Variants in KDM2A observed in about 807,000 individuals in gnomAD.
KDM2A encodes the protein lysine-specific demethylase 2A.
KDM2A carries 3 observed loss-of-function variants against 137.3 expected under a neutral mutation model. The observed-to-expected ratio is 0.02, with a 90% CI of 0.01 to 0.06. The LOEUF is 0.06. Among genes scored for constraint, KDM2A ranks in the 10% least tolerant of loss-of-function variants. KDM2A has a pLI of 1.00. For missense variants in KDM2A, 738 were observed against 1,510.6 expected (o/e 0.49, Z 8.48); for synonymous variants, 512 against 541.5 (o/e 0.95, Z 0.76).
chr11:67,182,686 C>A (rs776423151), intron 5 of KDM2A, among the ~76,000 whole-genome samples: 25 of 152,146 alleles, frequency 1.6e-4, no homozygotes, highest in Non-Finnish European at 3.2e-4. Flanking sequence ...GCATGTGCCA[C>A]CAGGCCCGGC....
chr11:67,205,469 T>C (rs1206433324), intron 5 of KDM2A, among the ~76,000 whole-genome samples: 3 of 152,074 alleles, frequency 2.0e-5, no homozygotes, highest in African/African-American at 7.2e-5. Flanking sequence ...TTGTTCGTCT[T>C]ACAAGGAAGA....
rs372178788 is a variant in KDM2A, at chr11:67,223,547, C to T, written c.957+4144C>T. On this transcript the variant is annotated intron_variant, in intron 10 of 20. Coordinates refer to ENST00000529006, the MANE Select transcript of KDM2A (RefSeq NM_012308.3). ...CCTCCTGAGTAGCTGGGACCACAGA[C>T]GCACACCACCACACCTGGCTAGTTT... 3.6e-3 allele frequency among the ~76,000 whole-genome samples: 548 copies of T among 152,118 alleles called. 5 individuals are homozygous for T. The highest frequency in any genetic ancestry group is 0.012 in the African/African-American group (488 of 41,494).
At chr11:67,190,757 T>TA (rs955234812) in intron 5 of KDM2A, among the ~76,000 whole-genome samples, 40 of 147,466 alleles carry the variant, frequency 2.7e-4, no homozygotes, top group African/African-American at 5.4e-4. Context: ...CGAGACTCTT[T>TA]AAAAAAAAAA....
In KDM2A at chr11:67,207,833, G is replaced by A. The variant is rs190086954; in HGVS notation, c.486+145G>A. 507 of 550,734 alleles carry A rather than the reference G, an allele frequency of 9.2e-4. 1 individual carries two copies. Among genetic ancestry groups the A allele is most frequent in the African/African-American group, 8.5e-3 (445 of 52,346 alleles). 34.1% of individuals were successfully genotyped at this position (550,734 alleles called of 1,614,324 possible). A position where few individuals can be genotyped will look rare whatever the true frequency, so the allele number is the denominator to read the frequency against. On this transcript the variant is annotated intron_variant, in intron 6 of 20. Transcript: ENST00000529006. Reference sequence around the variant, plus strand: ...TGAGCTGAGGAGTTTGAGAGCAGCCGGGGCAACATGGTGAAACCACATCTC... The same window carrying A: ...TGAGCTGAGGAGTTTGAGAGCAGCCAGGGCAACATGGTGAAACCACATCTC...
At chr11:67,154,228 G>A (rs1267477430) in intron 2 of KDM2A, among the ~76,000 whole-genome samples, 5 of 152,116 alleles carry the variant, frequency 3.3e-5, no homozygotes, top group Admixed American at 1.3e-4. Flanking sequence ...ATTTGATTTT[G>A]TACAGCCCAT....
At chr11:67,137,650 AG>A (rs1204378059) in intron 2 of KDM2A, among the ~76,000 whole-genome samples, 1 of 152,202 alleles carries the variant, frequency 6.6e-6, no homozygotes, top group Non-Finnish European at 1.5e-5. Flanking sequence ...AAGGAAGAGC[AG>A]GTTTGGGGAC....
intron 8 of KDM2A, 45 bp downstream of exon 8, chr11:67,215,994 T>A: frequency 6.8e-7 from 1 of 1,476,240 alleles, no homozygotes. Flanking sequence ...AAGTTGGTTG[T>A]ATGACTTTGC....
intron 5 of KDM2A, among the ~76,000 whole-genome samples, chr11:67,187,075 A>G (rs59551907): frequency 0.075 from 11,386 of 152,262 alleles, 586 homozygotes; most frequent in African/African-American, 0.14. Context: ...TCAAACTGGT[A>G]TTAATTAAAA....
At chr11:67,188,029 TA>T (rs1005408846) in intron 5 of KDM2A, among the ~76,000 whole-genome samples, 2 of 151,700 alleles carry the variant, frequency 1.3e-5, no homozygotes, top group African/African-American at 4.8e-5. Flanking sequence ...CTCATGTCTA[TA>T]AAAAAAATAA....
At chr11:67,227,048 G>A (rs1052165913) in intron 10 of KDM2A, among the ~76,000 whole-genome samples, 1 of 152,162 alleles carries the variant, frequency 6.6e-6, no homozygotes, top group African/African-American at 2.4e-5. Flanking sequence ...TCCTTTCCTG[G>A]ACTGTGATAT....
At chr11:67,180,498 A>T in intron 3 of KDM2A, 1 of 293,524 alleles carries the variant, frequency 3.4e-6, no homozygotes, top group Non-Finnish European at 6.3e-6. Context: ...CCCTTGGTTT[A>T]AATTTAATTA....
chr11:67,137,361 AAGAATAGATTT>A lies in KDM2A; in HGVS notation c.42+16006_42+16016del, dbSNP rs1855990676. Among the ~76,000 whole-genome samples, 9 of 152,336 alleles carry A rather than the reference AAGAATAGATTT, an allele frequency of 5.9e-5. No homozygotes were observed. In the South Asian group the frequency reaches 1.7e-3, roughly 28 times the overall value. ...GTAGAGAAAGGGTCAGGGAGAGGGC[AAGAATAGATTT>A]AGGGAGATTAATTAGGAGGCTATTA... On this transcript the variant is annotated intron_variant, in intron 2 of 20. Transcript: ENST00000529006.
chr11:67,144,224 C>T (rs1471820902), intron 2 of KDM2A, among the ~76,000 whole-genome samples: 1 of 151,164 alleles, frequency 6.6e-6, no homozygotes, highest in Non-Finnish European at 1.5e-5. Context: ...CTGGGGTGAG[C>T]CATTGTACCT....
chr11:67,173,723 T>C (rs1477021877), intron 2 of KDM2A, among the ~76,000 whole-genome samples: 1 of 152,142 alleles, frequency 6.6e-6, no homozygotes, highest in Non-Finnish European at 1.5e-5. Context: ...TTTTTATTTA[T>C]TTATTTTGAG....
chr11:67,147,220 C>T (rs1014316012), intron 2 of KDM2A, among the ~76,000 whole-genome samples: 2 of 151,998 alleles, frequency 1.3e-5, no homozygotes, highest in Non-Finnish European at 2.9e-5. Context: ...TCTTTTGTGC[C>T]ACTCTGGGAA....
intron 5 of KDM2A, among the ~76,000 whole-genome samples, chr11:67,192,361 T>C (rs1038877376): frequency 2.6e-5 from 4 of 151,598 alleles, no homozygotes; most frequent in Admixed American, 6.6e-5. Flanking sequence ...AACTACCATA[T>C]AGAATTCCAT....
intron 2 of KDM2A, among the ~76,000 whole-genome samples, chr11:67,131,239 G>A (rs945232563): frequency 6.6e-5 from 10 of 151,648 alleles, no homozygotes; most frequent in Non-Finnish European, 8.8e-5. Flanking sequence ...TGGGAGAATC[G>A]CCTGAACCTG....
rs1859182188 is a variant in KDM2A at position 67,245,636 on chromosome 11, A to G, written c.1833+178A>G. 2.9e-6 allele frequency: 2 copies of G among 686,660 alleles called. No homozygotes were observed. Among genetic ancestry groups the G allele is most frequent in the Non-Finnish European group, 4.8e-6 (2 of 417,122 alleles). The allele number at this position is 686,660 out of a possible 1,614,324, so 42.5% of individuals were successfully genotyped here. ...TTTAGATAGAAGGTATCTAGTACTA[A>G]AAATCCGATTTAATCTTTAGGCTTT... On this transcript the variant is annotated intron_variant, in intron 14 of 20. Coordinates refer to ENST00000529006, the MANE Select transcript of KDM2A (RefSeq NM_012308.3). The surrounding 1 kb of genome is among the most constrained non-coding windows in gnomAD (Gnocchi z 4.1).
At chr11:67,183,462 G>A (rs1005351791) in intron 5 of KDM2A, among the ~76,000 whole-genome samples, 1 of 152,226 alleles carries the variant, frequency 6.6e-6, no homozygotes, top group Non-Finnish European at 1.5e-5. Context: ...AGATGGCAGA[G>A]TAGCAAGCAC....
Sources: gnomAD v4.1 joint callset for allele counts (sites outside exome capture counted in the v4.1 genomes callset) on GRCh38, gnomAD v4.1.1 for gene constraint, Gnocchi (gnomAD v3.1) non-coding constraint, MANE v1.5 for transcripts, NCBI Gene and HGNC (gene_info 2026-07-23, HGNC 2026-07-21) for gene names.